The following SYNJ1 variants were observed in gnomAD, a reference collection of about 807,000 sequenced individuals.
The protein encoded by SYNJ1 is polyphosphatidylinositol phosphatase SYNJ1.
In SYNJ1, 78 loss-of-function variants were observed where a neutral mutation model predicts 168.2. The ratio of observed to expected loss-of-function variants is 0.46; its 90% CI spans 0.39 to 0.56. SYNJ1 has a LOEUF of 0.56. Among genes scored for constraint, SYNJ1 ranks in the 20% least tolerant of loss-of-function variants. The probability of loss-of-function intolerance (pLI) is 0.00; values close to 1 mark genes in which losing one functional copy is unlikely to be tolerated. For missense variants in SYNJ1, 1,303 were observed against 1,597.6 expected (o/e 0.82, Z 3.14); for synonymous variants, 539 against 548.6 (o/e 0.98, Z 0.24).
intron 2 of SYNJ1, among the ~76,000 whole-genome samples, chr21:32,715,089 C>T (rs1296343290): frequency 6.6e-6 from 1 of 152,074 alleles, no homozygotes; most frequent in East Asian, 1.9e-4. Flanking sequence ...GATATATTCC[C>T]AATGCTAACC....
chr21:32,727,251 C>T (rs1569145350), intron 1 of SYNJ1, among the ~76,000 whole-genome samples: 1 of 152,164 alleles, frequency 6.6e-6, no homozygotes, highest in Non-Finnish European at 1.5e-5. Context: ...TGTTTATCAG[C>T]TTCCTGCTTC....
chr21:32,673,237 T>C (rs912695900), intron 14 of SYNJ1, 103 bp downstream of exon 14: 5 of 995,946 alleles, frequency 5.0e-6, no homozygotes, highest in Non-Finnish European at 5.5e-6. Flanking sequence ...GCTCCAAGTT[T>C]CTTTCATCAA....
intron 17 of SYNJ1, 98 bp from the exon 18 acceptor site, chr21:32,665,169 T>C (rs2040876180): frequency 4.7e-6 from 6 of 1,264,174 alleles, no homozygotes; most frequent in Admixed American, 5.4e-5. Context: ...TCTCCTCCCA[T>C]GTCCTGTTTC....
rs1447333628 is a variant in SYNJ1, at chr21:32,686,350, G to A, written c.949-433C>T. On this transcript the variant is annotated intron_variant, in intron 8 of 32. Coordinates refer to ENST00000674351, the MANE Select transcript of SYNJ1 (RefSeq NM_203446.3). ...ATTAAAAAAATAGCTATAAAATCAG[G>A]ATGCTTTTGGACTTAGGAGATTGAA... Among the ~76,000 whole-genome samples the A allele has an allele frequency of 2.0e-5, 3 of 152,054 alleles. No individual in the cohort carries two copies. In the East Asian group the frequency reaches 5.8e-4, roughly 29 times the overall value.
chr21:32,728,044 G>A (rs2122963644), upstream of SYNJ1: 3 of 1,529,814 alleles, frequency 2.0e-6, no homozygotes, highest in Non-Finnish European at 2.6e-6. Context: ...TCCGCATTGC[G>A]CCGCGGCCGG....
At chr21:32,635,028 AAATTCAAAAGACAATTCC>A in intron 31 of SYNJ1, 144 bp from the exon 32 acceptor site, 1 of 819,426 alleles carries the variant, frequency 1.2e-6, no homozygotes, top group Non-Finnish European at 2.0e-6. Context: ...GTTGTAACAT[AAATTCAAAAGACAATTCC>A]AATTCCTTTT....
intron 18 of SYNJ1, 63 bp from the exon 19 acceptor site, chr21:32,657,935 A>T (rs745662445): frequency 5.2e-6 from 7 of 1,347,140 alleles, no homozygotes; most frequent in Non-Finnish European, 6.2e-6. Flanking sequence ...TTTCATTCAG[A>T]CAGTCATCCA....
At position 32,629,656 on chromosome 21, in the gene SYNJ1, T is replaced by C. The variant is rs935220288; in HGVS notation, c.*2149A>G. ...ACTCTTTATATAAAAGGAATGTTAA[T>C]GTAAGTCTTAATGGGTAAAGATGAT... On this transcript the variant is annotated 3_prime_UTR_variant, in exon 33 of 33. Coordinates refer to ENST00000674351, the MANE Select transcript of SYNJ1 (RefSeq NM_203446.3). The C allele has an allele frequency of 4.6e-5, 7 of 152,452 alleles. No individual in the cohort carries two copies. Among genetic ancestry groups the C allele is most frequent in the Non-Finnish European group, 7.3e-5 (5 of 68,040 alleles). The allele number at this position is 152,452 out of a possible 1,614,324, so 9.4% of individuals were successfully genotyped here.
Position 32,701,947 on chromosome 21 carries a change from A to C in SYNJ1, c.211+14T>G, listed in dbSNP as rs781430313. The C allele has an allele frequency of 3.3e-6, 5 of 1,513,930 alleles. No homozygotes were observed. The East Asian group carries it at 6.9e-5, about 21-fold the overall frequency. 93.8% of individuals were successfully genotyped at this position (1,513,930 alleles called of 1,614,324 possible). ...ATGAAAAAATGGATGAATTCTACTG[A>C]ATGATAAACTTACCAAGATTTAACC... On this transcript the variant is annotated intron_variant, in intron 3 of 32. Coordinates refer to ENST00000674351, the MANE Select transcript of SYNJ1 (RefSeq NM_203446.3).
At chr21:32,694,627 T>C (rs2042139041) in intron 5 of SYNJ1, among the ~76,000 whole-genome samples, 2 of 152,226 alleles carry the variant, frequency 1.3e-5, no homozygotes, top group Admixed American at 6.5e-5. Flanking sequence ...TTTGAAGATC[T>C]GTGTTGGGCT....
chr21:32,657,914 A>G (rs2040522544), intron 18 of SYNJ1, 42 bp from the exon 19 acceptor site: 2 of 1,509,220 alleles, frequency 1.3e-6, no homozygotes, highest in Non-Finnish European at 1.8e-6. Context: ...CCAAACAGCA[A>G]CAAGTTCTGT....
rs745526137 is a variant in SYNJ1, at chr21:32,631,030, T to TA, written c.*774dup. The TA allele has an allele frequency of 6.2e-7, 1 of 1,614,032 alleles. No homozygotes were observed. The highest frequency in any genetic ancestry group is 2.2e-5 in the East Asian group (1 of 44,868). On this transcript the variant is annotated 3_prime_UTR_variant, in exon 33 of 33. Transcript: ENST00000674351. Reference sequence around the variant, plus strand: ...GTAAAGTCCAGTGTGGGTGAAGCCTTAGAGGCCAAGGTCGTGAAAGGATCT... The same window carrying TA: ...GTAAAGTCCAGTGTGGGTGAAGCCTTAAGAGGCCAAGGTCGTGAAAGGATCT...
At chr21:32,689,303 C>T (rs765156863) in intron 6 of SYNJ1, among the ~76,000 whole-genome samples, 4 of 151,766 alleles carry the variant, frequency 2.6e-5, no homozygotes, top group East Asian at 1.9e-4. Flanking sequence ...GAACAAAGTG[C>T]TTTTTTTTGT....
intron 17 of SYNJ1, among the ~76,000 whole-genome samples, chr21:32,665,338 C>T (rs919863202): frequency 1.3e-5 from 2 of 152,198 alleles, no homozygotes; most frequent in African/African-American, 4.8e-5. Context: ...AGCTACATAA[C>T]TCCCTCACAA....
Position 32,656,712 on chromosome 21 carries a change from T to C in SYNJ1, c.2770A>G (p.Ser924Gly). The C allele has an allele frequency of 6.2e-7, 1 of 1,613,762 alleles. No individual in the cohort carries two copies. The highest frequency in any genetic ancestry group is 8.5e-7 in the Non-Finnish European group (1 of 1,179,864). The change falls in exon 21 of 33, where the codon AGT becomes GGT. Residue 924 changes from serine (S) to glycine (G), a missense_variant. Coordinates refer to ENST00000674351, the MANE Select transcript of SYNJ1 (RefSeq NM_203446.3). ...LIDELLQQFA[S>G]FGEVILIRFV... The stretch of plus-strand genomic sequence containing the variant: ...CTTATAAGTATAACTTCACCAAAAC[T>C]TGCAAACTGCTGCAGAAGCTCATCA...
At chr21:32,728,230 G>T (rs1436680194), upstream of SYNJ1, 9 of 629,174 alleles carry the variant, frequency 1.4e-5, no homozygotes, top group East Asian at 2.6e-4. Context: ...CGCCGGGGGT[G>T]CAGGGAGAGG....
chr21:32,638,881 A>G (rs1188647011), intron 31 of SYNJ1, 27 bp downstream of exon 31: 2 of 1,566,452 alleles, frequency 1.3e-6, no homozygotes, highest in African/African-American at 1.4e-5. Flanking sequence ...ATCAAAGATA[A>G]TATTTTGTGT....
chr21:32,727,814 G>C (rs969875237), intron 1 of SYNJ1, 132 bp downstream of exon 1: 5 of 1,454,978 alleles, frequency 3.4e-6, no homozygotes, highest in Non-Finnish European at 4.5e-6. Context: ...CCCGCACCCC[G>C]GCTGCTCGCG....
intron 2 of SYNJ1, among the ~76,000 whole-genome samples, chr21:32,708,862 T>C (rs2042712981): frequency 6.6e-6 from 1 of 151,996 alleles, no homozygotes; most frequent in African/African-American, 2.4e-5. Context: ...CTCACGCCTG[T>C]AATCCTAACA....
Sources: allele counts gnomAD v4.1 joint callset (sites outside exome capture counted in the v4.1 genomes callset), GRCh38; gene constraint gnomAD v4.1.1; transcripts MANE v1.5; gene names NCBI Gene and HGNC (gene_info 2026-07-23, HGNC 2026-07-21).